TEAD3: variants seen among roughly 807,000 people sequenced by gnomAD.
TEAD3 encodes the protein transcriptional enhancer factor TEF-5.
Under a neutral mutation model 55.6 loss-of-function variants are expected in TEAD3, and 15 were observed. That is an observed-to-expected ratio of 0.27 (90% CI 0.18 to 0.42). The LOEUF is 0.42. TEAD3 is among the 10% of genes least tolerant of loss of function. The pLI is 1.00. For missense variants in TEAD3, 407 were observed against 576.8 expected (o/e 0.71, Z 3.01); for synonymous variants, 210 against 232.2 (o/e 0.90, Z 0.87).
chr6:35,489,367 G>A lies in TEAD3; in HGVS notation c.-49-2656C>T, dbSNP rs148524754. Among the ~76,000 whole-genome samples the A allele has an allele frequency of 1.5e-3, 221 of 152,222 alleles. 1 individual carries two copies. The highest frequency in any genetic ancestry group is 0.01 in the Middle Eastern group (3 of 294). On this transcript the variant is annotated intron_variant, in intron 1 of 12. Coordinates refer to ENST00000639578, the Ensembl canonical transcript of TEAD3. The stretch of plus-strand genomic sequence containing the variant: ...TTCTGAACCCAGGTAAGCTGGCTTC[G>A]GTTTTATAACCAGGAAGGTTATAGG...
chr6:35,495,000 G>A (rs1317400357), intron 1 of TEAD3, among the ~76,000 whole-genome samples: 1 of 152,128 alleles, frequency 6.6e-6, no homozygotes, highest in Non-Finnish European at 1.5e-5. Flanking sequence ...CCAAGTTCAG[G>A]TTCCATCATG....
In TEAD3 at chr6:35,486,301, T is replaced by TA. The variant is rs1394094057; in HGVS notation, c.202+159dup. Among the ~76,000 whole-genome samples the TA allele has an allele frequency of 7.9e-5, 12 of 152,272 alleles. 1 individual carries two copies. In the South Asian group the frequency reaches 2.5e-3, roughly 32 times the overall value. On this transcript the variant is annotated intron_variant, in intron 2 of 12. Coordinates refer to ENST00000639578, the Ensembl canonical transcript of TEAD3. The surrounding 1 kb of genome is among the most constrained non-coding windows in gnomAD (Gnocchi z 7.3). The stretch of plus-strand genomic sequence containing the variant: ...GGTTAGGGGGCGAGCCCGGCTTGTT[T>TA]ATGAGGAGGAGCGCGGAGGAGGATC...
At position 35,484,488 on chromosome 6, in the gene TEAD3, G is replaced by A. The variant is rs1768330325; in HGVS notation, c.267+72C>T. The A allele has an allele frequency of 6.8e-7, 1 of 1,474,352 alleles. No homozygotes were observed. Among genetic ancestry groups the A allele is most frequent in the Non-Finnish European group, 9.3e-7 (1 of 1,075,750 alleles). The allele number at this position is 1,474,352 out of a possible 1,614,324, so 91.3% of individuals were successfully genotyped here. A position where few individuals can be genotyped will look rare whatever the true frequency, so the allele number is the denominator to read the frequency against. The stretch of plus-strand genomic sequence containing the variant: ...AGCCTCGAGGAGGTGGGCAGGGTAG[G>A]GGCAAGGGGTTGACCGGGGCAGCTG... On this transcript the variant is annotated intron_variant, in intron 3 of 12. Coordinates refer to ENST00000639578, the Ensembl canonical transcript of TEAD3. This position sits in a 1 kb window ranked among gnomAD's most constrained non-coding sequence, Gnocchi z 5.8.
chr6:35,484,697 CG>C lies in TEAD3; in HGVS notation c.203-74del. 7.4e-7 allele frequency: 1 copy of C among 1,344,346 alleles called. No individual in the cohort carries two copies. The highest frequency in any genetic ancestry group is 1.3e-5 in the South Asian group (1 of 79,906). The allele number at this position is 1,344,346 out of a possible 1,614,324, so 83.3% of individuals were successfully genotyped here. On this transcript the variant is annotated intron_variant, in intron 2 of 12. Transcript: ENST00000639578. This position sits in a 1 kb window ranked among gnomAD's most constrained non-coding sequence, Gnocchi z 5.8. ...CAGAGGCTGGAGGCCCCCACCCCACCGGGAAGCCACTCCAGGACCCTCCCCA... is the reference window on the plus strand; with the variant it reads ...CAGAGGCTGGAGGCCCCCACCCCACCGGAAGCCACTCCAGGACCCTCCCCA...
Position 35,479,664 on chromosome 6 carries a change from C to T in TEAD3, c.331-348G>A, listed in dbSNP as rs528273371. 3.3e-5 allele frequency among the ~76,000 whole-genome samples: 5 copies of T among 152,298 alleles called. No homozygotes were observed. In the East Asian group the frequency reaches 9.6e-4, roughly 29 times the overall value. On this transcript the variant is annotated intron_variant, in intron 4 of 12. Transcript: ENST00000639578. Reference sequence around the variant, plus strand: ...GGCCAGCGTGAGGCCCTCAGAAGGGCCTCAGTCATGAACCCCAGACTCTGA... The same window carrying T: ...GGCCAGCGTGAGGCCCTCAGAAGGGTCTCAGTCATGAACCCCAGACTCTGA...
At chr6:35,494,953 G>A (rs1040330096) in intron 1 of TEAD3, among the ~76,000 whole-genome samples, 1 of 150,676 alleles carries the variant, frequency 6.6e-6, no homozygotes, top group African/African-American at 2.4e-5. Flanking sequence ...CTTCTTCTTT[G>A]GGCCACTGGA....
intron 7 of TEAD3, among the ~76,000 whole-genome samples, chr6:35,477,977 C>T (rs532515469): frequency 2.0e-5 from 3 of 151,444 alleles, no homozygotes; most frequent in Admixed American, 6.6e-5. Flanking sequence ...TGGCCTCCCA[C>T]GTAGCTAGGA....
Position 35,475,222 on chromosome 6 carries a change from G to C in TEAD3, c.1195-65C>G. On this transcript the variant is annotated intron_variant, in intron 12 of 12. Coordinates refer to ENST00000639578, the Ensembl canonical transcript of TEAD3. This position sits in a 1 kb window ranked among gnomAD's most constrained non-coding sequence, Gnocchi z 5.4. ...GAAAAGGGCCACGGGGCAGGGGGCTGAACAGACCATTCTCCTTTCCGGATC... is the reference window on the plus strand; with the variant it reads ...GAAAAGGGCCACGGGGCAGGGGGCTCAACAGACCATTCTCCTTTCCGGATC... The C allele has an allele frequency of 6.3e-7, 1 of 1,579,464 alleles. No homozygotes were observed. Among genetic ancestry groups the C allele is most frequent in the South Asian group, 1.1e-5 (1 of 87,512 alleles).
exon 6 of TEAD3, chr6:35,478,533 C>T (rs368856056): frequency 1.7e-5 from 27 of 1,604,202 alleles, no homozygotes; most frequent in African/African-American, 4.0e-5. Context: ...AGGACATGGA[C>T]GCCATGCTCT....
At chr6:35,480,418 G>T in intron 3 of TEAD3, 44 bp from the exon 4 acceptor site, 1 of 1,608,084 alleles carries the variant, frequency 6.2e-7, no homozygotes, top group Non-Finnish European at 8.5e-7. Context: ...AACATAGACA[G>T]TGAGGAGGCA....
Position 35,475,672 on chromosome 6 carries a change from C to T in TEAD3, c.935G>A (p.Gly312Glu). 6.2e-7 allele frequency: 1 copy of T among 1,612,036 alleles called. No individual in the cohort carries two copies. Among genetic ancestry groups the T allele is most frequent in the Non-Finnish European group, 8.5e-7 (1 of 1,178,678 alleles). The change falls in exon 11 of 13, where the codon GGA becomes GAA. Residue 312 changes from glycine (G) to glutamate (E), a missense_variant. Physicochemically the swap from Gly to Glu is moderately conservative, Grantham distance 98. Coordinates refer to ENST00000639578, the Ensembl canonical transcript of TEAD3. The surrounding 1 kb of genome is among the most constrained non-coding windows in gnomAD (Gnocchi z 5.4). ...CTGAGAGCTGACCCCATAGAAGGCT[C>T]CCGGGCCCTCCTGGATGGTGCTGTT...
At chr6:35,481,185 G>A (rs908261308) in intron 3 of TEAD3, among the ~76,000 whole-genome samples, 4 of 152,048 alleles carry the variant, frequency 2.6e-5, no homozygotes, top group Non-Finnish European at 5.9e-5. Context: ...CGCAGCCTCC[G>A]CAGGCAAACT....
At position 35,475,874 on chromosome 6, in the gene TEAD3, G is replaced by A; in HGVS notation, c.900+45C>T. On this transcript the variant is annotated intron_variant, in intron 10 of 12. Transcript: ENST00000639578. The surrounding 1 kb of genome is among the most constrained non-coding windows in gnomAD (Gnocchi z 5.4). ...AGTGGGCCTGGATGTTGCACCTCTG[G>A]GGTGGGGAAGGGGGCTTGGAGCAGA... 1 of 1,506,800 alleles carries A rather than the reference G, an allele frequency of 6.6e-7. No homozygotes were observed. 93.3% of individuals were successfully genotyped at this position (1,506,800 alleles called of 1,614,324 possible). A position where few individuals can be genotyped will look rare whatever the true frequency, so the allele number is the denominator to read the frequency against.
At chr6:35,476,243 C>A in intron 9 of TEAD3, 59 bp downstream of exon 9, 1 of 1,576,066 alleles carries the variant, frequency 6.3e-7, no homozygotes, top group Non-Finnish European at 8.6e-7. Context: ...AGCCCTGGAT[C>A]ACCCGGCCGG....
At chr6:35,476,513 G>A in intron 8 of TEAD3, 78 bp from the exon 9 acceptor site, 3 of 1,576,506 alleles carry the variant, frequency 1.9e-6, no homozygotes, top group Non-Finnish European at 2.6e-6. Context: ...AGCTTGCAAA[G>A]GTGCCCCTTT....
rs988670191 is a variant in TEAD3, at chr6:35,478,642, A to G, written c.343-71T>C. ...CCAGGCTTGCTTTAGCGCCCCTCCC[A>G]TGACCCCAGCAGAGTCCAAAGCACT... is the stretch of plus-strand genomic sequence containing the variant. On this transcript the variant is annotated intron_variant, in intron 5 of 12. Transcript: ENST00000639578. 13 of 1,521,464 alleles carry G rather than the reference A, an allele frequency of 8.5e-6. 1 individual carries two copies. The South Asian group carries it at 1.5e-4, about 18-fold the overall frequency. The allele number at this position is 1,521,464 out of a possible 1,614,324, so 94.2% of individuals were successfully genotyped here.
At chr6:35,477,561 C>T (rs1383681368) in intron 7 of TEAD3, among the ~76,000 whole-genome samples, 189 bp from the exon 8 acceptor site, 2 of 152,016 alleles carry the variant, frequency 1.3e-5, no homozygotes, top group Non-Finnish European at 2.9e-5. Context: ...AATCCTGCTG[C>T]GTCTCCCAGC....
intron 1 of TEAD3, among the ~76,000 whole-genome samples, chr6:35,494,453 AGGAGG>A (rs1385573616): frequency 6.6e-6 from 1 of 152,096 alleles, no homozygotes; most frequent in Non-Finnish European, 1.5e-5. Context: ...GCACAACACC[AGGAGG>A]GGAGGGGAGG....
At chr6:35,478,438 G>C (rs1361866729) in exon 6 of TEAD3, 10 of 1,613,708 alleles carry the variant, frequency 6.2e-6, no homozygotes, top group Non-Finnish European at 8.5e-6. Flanking sequence ...ATGTACCCGC[G>C]AGGAAGTGGA....
Sources: gnomAD v4.1 joint callset for allele counts (sites outside exome capture counted in the v4.1 genomes callset) on GRCh38, gnomAD v4.1.1 for gene constraint, Gnocchi (gnomAD v3.1) non-coding constraint, MANE v1.5 for transcripts, NCBI Gene and HGNC (gene_info 2026-07-23, HGNC 2026-07-21) for gene names.